The following ST14 variants were observed in gnomAD, a reference collection of about 807,000 sequenced individuals.
The protein encoded by ST14 is suppressor of tumorigenicity 14 protein.
ST14 carries 40 observed loss-of-function variants against 96.5 expected under a neutral mutation model. That is an observed-to-expected ratio of 0.41 (90% CI 0.32 to 0.54). The LOEUF (loss-of-function observed/expected upper bound fraction) is 0.54. ST14 is among the 20% of genes least tolerant of loss of function. The pLI is 0.17. For missense variants in ST14, 1,066 were observed against 1,188.9 expected (o/e 0.90, Z 1.52); for synonymous variants, 506 against 492.1 (o/e 1.03, Z -0.37).
Position 130,186,479 on chromosome 11 carries a change from A to G in ST14, c.82-1635A>G, listed in dbSNP as rs148271696. Among the ~76,000 whole-genome samples the G allele has an allele frequency of 5.2e-3, 795 of 152,334 alleles. 3 individuals carry two copies. Among genetic ancestry groups the G allele is most frequent in the South Asian group, 0.012 (57 of 4,826 alleles). ...ACTGTGGCCCTCAGGAAGAACATGA[A>G]ATAAGTTATTTAACAGATGTTACAT... On this transcript the variant is annotated intron_variant, in intron 1 of 18. Coordinates refer to ENST00000278742, the MANE Select transcript of ST14 (RefSeq NM_021978.4).
rs761258656 is a variant in ST14 at position 130,200,046 on chromosome 11, C to G, written c.1903C>G (p.Leu635Val). 13 of 1,614,200 alleles carry G rather than the reference C, an allele frequency of 8.1e-6. No homozygotes were observed. Among genetic ancestry groups the G allele is most frequent in the Admixed American group, 3.3e-5 (2 of 60,032 alleles). Residue 635 changes from leucine to valine, a missense_variant, in exon 16 of 19, where the codon CTG becomes GTG. Leu to Val is a conservative substitution (Grantham distance 32). Transcript: ENST00000278742. Reference sequence around the variant, plus strand: ...GCCCTGGCAGGTAAGCCTGCATGCTCTGGGCCAGGGCCACATCTGCGGTGC... The same window carrying G: ...GCCCTGGCAGGTAAGCCTGCATGCTGTGGGCCAGGGCCACATCTGCGGTGC... ...EWPWQVSLHA[L>V]GQGHICGASL...
chr11:130,191,222 T>C (rs1036105348), intron 7 of ST14, among the ~76,000 whole-genome samples: 2 of 152,032 alleles, frequency 1.3e-5, no homozygotes. Flanking sequence ...GGCGCATGCC[T>C]ACTCAGGAGG....
At position 130,197,883 on chromosome 11, in the gene ST14, G is replaced by T; in HGVS notation, c.1397G>T (p.Arg466Leu). ...QFTCRTGRCI[R>L]KELRCDGWAD... ...ACGTGCCGCACGGGGCGGTGTATCC[G>T]GAAGGAGCTGCGCTGTGATGGCTGG... The change falls in exon 12 of 19, where the codon CGG becomes CTG. Residue 466 changes from arginine (R) to leucine (L), a missense_variant. Arg to Leu is a moderately radical substitution (Grantham distance 102). Transcript: ENST00000278742. 1 of 1,596,268 alleles carries T rather than the reference G, an allele frequency of 6.3e-7. No homozygotes were observed.
chr11:130,201,248 A>G (rs951748646), intron 16 of ST14, among the ~76,000 whole-genome samples: 15 of 152,358 alleles, frequency 9.8e-5, no homozygotes, highest in African/African-American at 3.4e-4. Context: ...TGTTGGCTGA[A>G]GGAAGGAGTG....
intron 1 of ST14, among the ~76,000 whole-genome samples, chr11:130,161,710 T>C (rs187557539): frequency 1.3e-5 from 2 of 152,246 alleles, no homozygotes; most frequent in Non-Finnish European, 2.9e-5. Context: ...CTTGGGCTGT[T>C]CCTTCCCCCT....
chr11:130,198,725 C>T (rs951318780), intron 14 of ST14, 104 bp downstream of exon 14: 1 of 1,328,660 alleles, frequency 7.5e-7, no homozygotes. Flanking sequence ...TGAACACAAA[C>T]CACCTGTGTG....
At chr11:130,199,574 G>T (rs1042122836) in intron 15 of ST14, among the ~76,000 whole-genome samples, 4 of 152,172 alleles carry the variant, frequency 2.6e-5, no homozygotes, top group Admixed American at 6.5e-5. Context: ...GCATTCAAAG[G>T]CGCTTCTCCC....
chr11:130,209,301 T>C, intron 17 of ST14, 141 bp from the exon 18 acceptor site: 3 of 1,121,948 alleles, frequency 2.7e-6, no homozygotes, highest in African/African-American at 1.5e-5. Context: ...GCCCACTGAG[T>C]AGACGCGGAT....
At position 130,188,303 on chromosome 11, in the gene ST14, GGAC is replaced by G. The variant is rs1485554603; in HGVS notation, c.241+34_241+36del. On this transcript the variant is annotated intron_variant, in intron 2 of 18. Coordinates refer to ENST00000278742, the MANE Select transcript of ST14 (RefSeq NM_021978.4). The surrounding 1 kb of genome is among the most constrained non-coding windows in gnomAD (Gnocchi z 5.4). ...GTAAAGCTGGGGCTGGCTCCGGGGA[GGAC>G]GACAAGGGGTGGCTGTCCCTCTTCC... 1.2e-6 allele frequency: 2 copies of G among 1,603,214 alleles called. No homozygotes were observed. Among genetic ancestry groups the G allele is most frequent in the Middle Eastern group, 1.7e-4 (1 of 6,014 alleles).
Position 130,190,543 on chromosome 11 carries a change from G to A in ST14, c.724G>A (p.Ala242Thr). Residue 242 changes from alanine to threonine, a missense_variant, in exon 7 of 19, where the codon GCC becomes ACC. Coordinates refer to ENST00000278742, the MANE Select transcript of ST14 (RefSeq NM_021978.4). ...GFPDSPYPAH[A>T]RCQWALRGDA... is the part of the protein sequence containing the mutation. Reference sequence around the variant, plus strand: ...CCCTGACAGCCCCTACCCCGCTCATGCCCGCTGCCAGTGGGCCCTGCGGGG... The same window carrying A: ...CCCTGACAGCCCCTACCCCGCTCATACCCGCTGCCAGTGGGCCCTGCGGGG... The A allele has an allele frequency of 6.2e-7, 1 of 1,611,714 alleles. No individual in the cohort carries two copies. The highest frequency in any genetic ancestry group is 2.2e-5 in the East Asian group (1 of 44,880).
Position 130,196,663 on chromosome 11 carries a change from C to T in ST14, c.1317C>T (p.Gly439=), listed in dbSNP as rs1251500734. The T allele has an allele frequency of 6.2e-7, 1 of 1,614,230 alleles. No individual in the cohort carries two copies. ...CAGATCAGTCCTACACCGACACCGGCTTCTTAGCTGAATACCTCTCCTACG... is the reference window on the plus strand; with the variant it reads ...CAGATCAGTCCTACACCGACACCGGTTTCTTAGCTGAATACCTCTCCTACG... ...FHSDQSYTDT[G]FLAEYLSYDS... is the part of the protein sequence containing the mutation. Residue 439 remains glycine (G), a synonymous_variant, in exon 11 of 19, where the codon GGC becomes GGT. Transcript: ENST00000278742.
At chr11:130,163,921 G>A (rs1289271426) in intron 1 of ST14, among the ~76,000 whole-genome samples, 1 of 152,178 alleles carries the variant, frequency 6.6e-6, no homozygotes. Context: ...GCTGCGGAAG[G>A]AGAACGAGTC....
chr11:130,191,257 A>T (rs1953296005), intron 7 of ST14, among the ~76,000 whole-genome samples: 1 of 152,060 alleles, frequency 6.6e-6, no homozygotes, highest in South Asian at 2.1e-4. Context: ...TCTCCAGCCC[A>T]GGAGGTCGAG....
chr11:130,184,092 T>C (rs569405620), intron 1 of ST14, among the ~76,000 whole-genome samples: 35 of 152,242 alleles, frequency 2.3e-4, no homozygotes, highest in Non-Finnish European at 4.1e-4. Context: ...CTGAAGCAGA[T>C]GAGTGGTTTC....
intron 1 of ST14, among the ~76,000 whole-genome samples, chr11:130,177,054 T>C (rs2031005570): frequency 6.6e-6 from 1 of 151,796 alleles, no homozygotes; most frequent in African/African-American, 2.4e-5. Flanking sequence ...TGCCTTGGCC[T>C]CCCAGAGTGC....
In ST14 at chr11:130,198,989, A is replaced by G. The variant is rs189346187; in HGVS notation, c.1727A>G (p.Asn576Ser). ...ACCAAACACACCTACCGCTGCCTCAATGGGCTCTGCTTGAGCAAGGGCAAC... is the reference window on the plus strand; with the variant it reads ...ACCAAACACACCTACCGCTGCCTCAGTGGGCTCTGCTTGAGCAAGGGCAAC... ...TCTKHTYRCL[N>S]GLCLSKGNPE... Residue 576 changes from asparagine to serine, a missense_variant, in exon 15 of 19, where the codon AAT becomes AGT. Transcript: ENST00000278742. The G allele has an allele frequency of 1.2e-4, 187 of 1,614,012 alleles. No individual in the cohort carries two copies. In the Admixed American group the frequency reaches 2.7e-3, roughly 23 times the overall value.
rs562264198 is a variant in ST14 at position 130,196,086 on chromosome 11, G to A, written c.1114-253G>A. 6.6e-5 allele frequency among the ~76,000 whole-genome samples: 10 copies of A among 152,296 alleles called. No individual in the cohort carries two copies. The East Asian group carries it at 1.9e-3, about 29-fold the overall frequency. ...GAGGCAGAAGAATGGCGTGAACCCG[G>A]GAGGCGGAGGTTGCGGTGAGCTGAG... is the stretch of plus-strand genomic sequence containing the variant. On this transcript the variant is annotated intron_variant, in intron 9 of 18. Transcript: ENST00000278742.
At position 130,160,041 on chromosome 11, in the gene ST14, A is replaced by G. The variant is rs1296702117; in HGVS notation, c.62A>G (p.Lys21Arg). 7 of 1,436,818 alleles carry G rather than the reference A, an allele frequency of 4.9e-6. No homozygotes were observed. In the Middle Eastern group the frequency reaches 6.5e-4, roughly 133 times the overall value. The allele number at this position is 1,436,818 out of a possible 1,614,324, so 89.0% of individuals were successfully genotyped here. The change falls in exon 1 of 19, where the codon AAG becomes AGG. Residue 21 changes from lysine to arginine, a missense_variant. Lys to Arg is a conservative substitution (Grantham distance 26). Coordinates refer to ENST00000278742, the MANE Select transcript of ST14 (RefSeq NM_021978.4). ...GGPKDFGAGL[K>R]YNSRHEKVNG... ...CCGAAGGACTTCGGCGCGGGACTCA[A>G]GTACAACTCCCGGCACGAGGTGAGC...
At chr11:130,178,520 T>C (rs1487313793) in intron 1 of ST14, among the ~76,000 whole-genome samples, 1 of 151,882 alleles carries the variant, frequency 6.6e-6, no homozygotes, top group Non-Finnish European at 1.5e-5. Flanking sequence ...ACTTGAAACC[T>C]GCAGGAGCTG....
Sources: allele counts gnomAD v4.1 joint callset (sites outside exome capture counted in the v4.1 genomes callset), GRCh38; gene constraint gnomAD v4.1.1; non-coding constraint Gnocchi (gnomAD v3.1); transcripts MANE v1.5; gene names NCBI Gene and HGNC (gene_info 2026-07-23, HGNC 2026-07-21).